Variants in SLC9B1 observed in about 807,000 individuals in gnomAD.
The protein encoded by SLC9B1 is sodium/hydrogen exchanger 9B1.
In SLC9B1, 32 loss-of-function variants were observed where a neutral mutation model predicts 51.7. The observed-to-expected ratio is 0.62, with a 90% CI of 0.47 to 0.83. The LOEUF (loss-of-function observed/expected upper bound fraction) is 0.83, where lower values mean the gene tolerates loss of function less well. SLC9B1 is among the 40% of genes least tolerant of loss of function. The pLI is 0.00. For missense variants in SLC9B1, 406 were observed against 613.2 expected (o/e 0.66, Z 3.57); for synonymous variants, 145 against 212.7 (o/e 0.68, Z 2.77).
intron 7 of SLC9B1, among the ~76,000 whole-genome samples, chr4:102,914,914 A>G (rs1735507381): frequency 6.6e-6 from 1 of 152,230 alleles, no homozygotes; most frequent in Non-Finnish European, 1.5e-5. Context: ...GATAATTTGC[A>G]AAAGACCTAC....
chr4:102,895,666 A>G lies in SLC9B1; in HGVS notation c.1332+9848T>C, dbSNP rs184829208. ...AACAGATTTGATAACACGAAGGCCAATGATGACCTTACCCACAGCAGTTTT... is the reference window on the plus strand; with the variant it reads ...AACAGATTTGATAACACGAAGGCCAGTGATGACCTTACCCACAGCAGTTTT... On this transcript the variant is annotated intron_variant, in intron 11 of 11. Coordinates refer to the SLC9B1 transcript ENST00000394789. Among the ~76,000 whole-genome samples, 1,208 of 152,322 alleles carry G rather than the reference A, an allele frequency of 7.9e-3. 14 individuals carry two copies. Among genetic ancestry groups the G allele is most frequent in the South Asian group, 0.034 (163 of 4,830 alleles).
intron 1 of SLC9B1, among the ~76,000 whole-genome samples, chr4:103,014,517 A>T (rs1741224395): frequency 6.6e-6 from 1 of 152,242 alleles, no homozygotes; most frequent in Non-Finnish European, 1.5e-5. Flanking sequence ...AAGCACGTTT[A>T]GGATGTGAGA....
chr4:102,969,108 G>T (rs1209686129), intron 3 of SLC9B1, among the ~76,000 whole-genome samples: 3 of 152,204 alleles, frequency 2.0e-5, no homozygotes, highest in Non-Finnish European at 4.4e-5. Context: ...TGGGGGCAGG[G>T]TATAGCTGAA....
chr4:102,970,870 A>G (rs1738720423), intron 3 of SLC9B1, among the ~76,000 whole-genome samples: 1 of 152,224 alleles, frequency 6.6e-6, no homozygotes, highest in Admixed American at 6.5e-5. Context: ...TTAAACCAAC[A>G]AAGATCAAAA....
At chr4:103,002,876 C>A (rs1740597769) in intron 1 of SLC9B1, among the ~76,000 whole-genome samples, 1 of 152,180 alleles carries the variant, frequency 6.6e-6, no homozygotes, top group Admixed American at 6.5e-5. Flanking sequence ...GAAACCAAGC[C>A]CTTCCTTTAA....
intron 7 of SLC9B1, among the ~76,000 whole-genome samples, chr4:102,922,125 A>C (rs1469348056): frequency 1.3e-5 from 2 of 152,226 alleles, no homozygotes; most frequent in Non-Finnish European, 2.9e-5. Flanking sequence ...TCAGCACCAC[A>C]TCACACTTAT....
intron 3 of SLC9B1, among the ~76,000 whole-genome samples, chr4:102,970,899 A>T (rs906194885): frequency 1.3e-5 from 2 of 152,206 alleles, no homozygotes. Flanking sequence ...GAAGGCCATT[A>T]TATAGTGGTA....
chr4:102,912,073 C>T, intron 7 of SLC9B1: 1 of 202,892 alleles, frequency 4.9e-6, no homozygotes, highest in Non-Finnish European at 1.1e-5. Context: ...GCAGAGTTTG[C>T]AGTGAGCTGA....
At chr4:102,887,709 T>C (rs1162971680) in intron 11 of SLC9B1, 1 of 230,916 alleles carries the variant, frequency 4.3e-6, no homozygotes, top group African/African-American at 2.3e-5. Flanking sequence ...AAGCTGTTTG[T>C]TTCTTTGAAT....
At chr4:102,898,324 A>C (rs985946525), downstream of SLC9B1, 2 of 327,484 alleles carry the variant, frequency 6.1e-6, no homozygotes, top group Non-Finnish European at 1.2e-5. Context: ...ACTATGGAAA[A>C]AATTTGTAAA....
chr4:102,984,675 T>C (rs1006315168), intron 3 of SLC9B1, among the ~76,000 whole-genome samples: 3 of 152,216 alleles, frequency 2.0e-5, no homozygotes, highest in African/African-American at 7.2e-5. Context: ...TCTTTTGGGA[T>C]GAAGTAGTCT....
At chr4:102,991,777 C>A in intron 1 of SLC9B1, 65 bp from the exon 2 acceptor site, 1 of 1,158,232 alleles carries the variant, frequency 8.6e-7, no homozygotes. Flanking sequence ...TGAAAACAAA[C>A]ATGGTTAAGT....
At chr4:102,885,802 AT>A in intron 11 of SLC9B1, among the ~76,000 whole-genome samples, 1 of 152,336 alleles carries the variant, frequency 6.6e-6, no homozygotes, top group East Asian at 1.9e-4. Context: ...AAGTTACTTA[AT>A]TTTTAATCTC....
chr4:102,922,334 C>T (rs79081636), intron 7 of SLC9B1, among the ~76,000 whole-genome samples: 36 of 152,218 alleles, frequency 2.4e-4, no homozygotes, highest in African/African-American at 8.4e-4. Flanking sequence ...AAAATGAAGG[C>T]AGAAATAAAG....
chr4:102,905,209 G>GTTTA lies in SLC9B1; in HGVS notation c.1332+301_1332+304dup, dbSNP rs138082740. Among the ~76,000 whole-genome samples the GTTTA allele has an allele frequency of 1.5e-3, 219 of 146,048 alleles. 2 individuals carry two copies. Among genetic ancestry groups the GTTTA allele is most frequent in the South Asian group, 2.8e-3 (13 of 4,612 alleles). Reference sequence around the variant, plus strand: ...GATTACATTAAGGTTCTTTGTTTTTGTTTATTTATTTATTTATTTATTTAT... The same window carrying GTTTA: ...GATTACATTAAGGTTCTTTGTTTTTGTTTATTTATTTATTTATTTATTTATTTAT... On this transcript the variant is annotated intron_variant, in intron 11 of 11. Transcript: ENST00000296422.
chr4:102,968,429 C>G (rs1324450231), intron 3 of SLC9B1, among the ~76,000 whole-genome samples: 2 of 152,150 alleles, frequency 1.3e-5, no homozygotes. Context: ...TGACCTTGGA[C>G]TAAGCAAAGG....
At chr4:102,972,365 C>T (rs1300388624) in intron 3 of SLC9B1, among the ~76,000 whole-genome samples, 3 of 152,114 alleles carry the variant, frequency 2.0e-5, no homozygotes, top group South Asian at 4.1e-4. Flanking sequence ...TAATCCATCA[C>T]ACTTCAGCCT....
chr4:102,905,209 G>GTTTATTTATTTTATTTA (rs1553972716), intron 11 of SLC9B1, among the ~76,000 whole-genome samples: 8 of 146,048 alleles, frequency 5.5e-5, no homozygotes, highest in Admixed American at 2.7e-4. Context: ...CTTTGTTTTT[G>GTTTATTTATTTTATTTA]TTTATTTATT....
At chr4:102,981,666 C>G (rs1333217894) in intron 3 of SLC9B1, among the ~76,000 whole-genome samples, 4 of 152,008 alleles carry the variant, frequency 2.6e-5, no homozygotes, top group African/African-American at 9.7e-5. Flanking sequence ...TCGTGAGGTT[C>G]CTGTTGCAGT....
Sources: allele counts gnomAD v4.1 joint callset (sites outside exome capture counted in the v4.1 genomes callset), GRCh38; gene constraint gnomAD v4.1.1; transcripts MANE v1.5; gene names NCBI Gene and HGNC (gene_info 2026-07-23, HGNC 2026-07-21).